The following MAST2 variants were observed in gnomAD, a reference collection of about 807,000 sequenced individuals.
MAST2 encodes microtubule associated serine/threonine kinase 2.
MAST2 carries 70 observed loss-of-function variants against 147.4 expected under a neutral mutation model. The observed-to-expected ratio is 0.47, with a 90% CI of 0.39 to 0.58. The LOEUF is 0.58. Ranked by LOEUF, MAST2 falls within the 20% of genes least tolerant of loss-of-function variation. The probability of loss-of-function intolerance (pLI) is 0.00; values close to 1 mark genes in which losing one functional copy is unlikely to be tolerated. For missense variants in MAST2, 2,080 were observed against 2,302.3 expected (o/e 0.90, Z 1.98); for synonymous variants, 869 against 896.8 (o/e 0.97, Z 0.55).
intron 3 of MAST2, among the ~76,000 whole-genome samples, chr1:45,876,613 T>C (rs1646617849): frequency 1.3e-5 from 2 of 152,212 alleles, no homozygotes; most frequent in Admixed American, 1.3e-4. Flanking sequence ...AGTTTCCTGA[T>C]TGTGTAGCTT....
chr1:46,031,201 G>A lies in MAST2; in HGVS notation c.2903G>A (p.Gly968Glu). The change falls in exon 23 of 29, where the codon GGG becomes GAG. Residue 968 changes from glycine (G) to glutamate (E), a missense_variant. By Grantham distance (98) the Gly-to-Glu change is moderately conservative. Around this residue, in one of 4 missense-constraint regions of MAST2, gnomAD observed 1,278 missense variants for 1,304.2 expected, o/e 0.98. Transcript: ENST00000361297. The surrounding 1 kb of genome is among the most constrained non-coding windows in gnomAD (Gnocchi z 4.1). ...GTCCTGACACCCCCATCTGGAGAGG[G>A]GGTATCTGGGCCTGTCACTGAACAC... ...IWVLTPPSGE[G>E]VSGPVTEHSG... is the part of the protein sequence containing the mutation. The A allele has an allele frequency of 6.4e-7, 1 of 1,566,006 alleles. No individual in the cohort carries two copies. The highest frequency in any genetic ancestry group is 8.7e-7 in the Non-Finnish European group (1 of 1,152,692).
At chr1:45,878,294 A>G (rs1646695815) in intron 3 of MAST2, among the ~76,000 whole-genome samples, 1 of 152,154 alleles carries the variant, frequency 6.6e-6, no homozygotes, top group Non-Finnish European at 1.5e-5. Context: ...TGCCACATTA[A>G]CAGAAGAGAA....
intron 28 of MAST2, 109 bp from the exon 29 acceptor site, chr1:46,034,429 C>A: frequency 7.4e-7 from 1 of 1,349,430 alleles, no homozygotes; most frequent in Non-Finnish European, 1.0e-6. Context: ...AAGGGGGTAG[C>A]TTGGTTTCTG....
chr1:45,897,577 G>A (rs373629707), intron 4 of MAST2, among the ~76,000 whole-genome samples: 1 of 152,200 alleles, frequency 6.6e-6, no homozygotes, highest in East Asian at 1.9e-4. Context: ...GGGAGGCCAA[G>A]GCAGGAGGAT....
In MAST2 at chr1:46,032,640, A is replaced by G. The variant is rs1291482561; in HGVS notation, c.3459A>G (p.Gln1153=). ...CGGCCAGTGAGGCAGGGCTTCGTCA[A>G]GGTGACCTCATCACCCATGTCAATG... ...GGPASEAGLR[Q]GDLITHVNGE... Residue 1153 remains glutamine (Q), a synonymous_variant, in exon 26 of 29, where the codon CAA becomes CAG. Transcript: ENST00000361297. The G allele has an allele frequency of 1.2e-6, 2 of 1,614,204 alleles. No homozygotes were observed. Among genetic ancestry groups the G allele is most frequent in the African/African-American group, 1.3e-5 (1 of 75,060 alleles).
chr1:45,982,508 A>G (rs947341973), intron 5 of MAST2, among the ~76,000 whole-genome samples: 2 of 152,184 alleles, frequency 1.3e-5, no homozygotes, highest in Non-Finnish European at 2.9e-5. Context: ...ACTCTGGACA[A>G]CCTTAAGCTC....
chr1:45,986,323 C>G (rs1644614062), intron 5 of MAST2, among the ~76,000 whole-genome samples: 1 of 152,078 alleles, frequency 6.6e-6, no homozygotes, highest in South Asian at 2.1e-4. Context: ...AATGTAGTGA[C>G]TTATATTGAT....
intron 3 of MAST2, among the ~76,000 whole-genome samples, chr1:45,872,638 G>T (rs1277633879): frequency 6.6e-6 from 1 of 152,020 alleles, no homozygotes. Flanking sequence ...GCGCTACCAC[G>T]CCCTGCTAAT....
rs1384909713 is a variant in MAST2, at chr1:46,034,574, C to G, written c.3905C>G (p.Ser1302Cys). Residue 1302 changes from serine (S) to cysteine (C), a missense_variant, in exon 29 of 29, where the codon TCC becomes TGC. By Grantham distance (112) the Ser-to-Cys change is moderately radical. Coordinates refer to ENST00000361297, the MANE Select transcript of MAST2 (RefSeq NM_015112.3). Reference protein sequence around the residue: ...GNSSQSSSPSSSVPSSPAGSG... With the variant: ...GNSSQSSSPSCSVPSSPAGSG... ...TCATCACAGAGCAGCTCCCCCAGCT[C>G]CAGCGTGCCCAGTTCCCCAGCCGGC... 1 of 1,613,848 alleles carries G rather than the reference C, an allele frequency of 6.2e-7. No individual in the cohort carries two copies. Among genetic ancestry groups the G allele is most frequent in the African/African-American group, 1.3e-5 (1 of 74,898 alleles).
chr1:45,930,746 G>T lies in MAST2; in HGVS notation c.501-28640G>T, dbSNP rs1655159157. On this transcript the variant is annotated intron_variant, in intron 4 of 28. Coordinates refer to ENST00000361297, the MANE Select transcript of MAST2 (RefSeq NM_015112.3). Reference sequence around the variant, plus strand: ...GAGCTTTTCACCCCCCAAACCAGGGGTCAGCAAAATAAACCCCATGAACCA... The same window carrying T: ...GAGCTTTTCACCCCCCAAACCAGGGTTCAGCAAAATAAACCCCATGAACCA... Among the ~76,000 whole-genome samples the T allele has an allele frequency of 2.0e-5, 3 of 152,070 alleles. No homozygotes were observed. The South Asian group carries it at 6.2e-4, about 32-fold the overall frequency.
intron 4 of MAST2, among the ~76,000 whole-genome samples, chr1:45,901,175 A>T (rs551653828): frequency 5.9e-5 from 9 of 152,196 alleles, no homozygotes; most frequent in Non-Finnish European, 1.2e-4. Context: ...GTTAATTTTT[A>T]TATATGGTGA....
chr1:45,831,160 T>C (rs997095635), intron 3 of MAST2, among the ~76,000 whole-genome samples: 7 of 152,198 alleles, frequency 4.6e-5, no homozygotes, highest in African/African-American at 1.7e-4. Context: ...TATACCCTTT[T>C]ATCCTCAAAC....
At chr1:45,918,484 G>T (rs1034734375) in intron 4 of MAST2, among the ~76,000 whole-genome samples, 2 of 152,178 alleles carry the variant, frequency 1.3e-5, no homozygotes, top group Non-Finnish European at 2.9e-5. Context: ...TGTCACCCAG[G>T]CTGGAGTGCA....
intron 4 of MAST2, among the ~76,000 whole-genome samples, chr1:45,938,333 T>C (rs1656605644): frequency 6.6e-6 from 1 of 152,150 alleles, no homozygotes; most frequent in Non-Finnish European, 1.5e-5. Flanking sequence ...TTACTTTTCT[T>C]TTTTCTTGGA....
intron 4 of MAST2, among the ~76,000 whole-genome samples, chr1:45,892,886 C>G (rs1220736225): frequency 6.6e-6 from 1 of 152,066 alleles, no homozygotes; most frequent in Non-Finnish European, 1.5e-5. Flanking sequence ...GAGATTATTG[C>G]AAATAAGACA....
At chr1:45,981,304 T>G (rs1045425802) in intron 5 of MAST2, among the ~76,000 whole-genome samples, 2 of 152,120 alleles carry the variant, frequency 1.3e-5, no homozygotes, top group African/African-American at 4.8e-5. Flanking sequence ...ACTCCTGACC[T>G]CAGGTGATCC....
rs1162358742 is a variant in MAST2 at position 46,034,479 on chromosome 1, C to T, written c.3869-59C>T. ...TAAGCCCTGTCTTGCCCTTGAGTCA[C>T]TTCTAACAGCTAACACTGCTCTGCT... On this transcript the variant is annotated intron_variant, in intron 28 of 28. Coordinates refer to ENST00000361297, the MANE Select transcript of MAST2 (RefSeq NM_015112.3). The T allele has an allele frequency of 6.5e-6, 10 of 1,541,750 alleles. No homozygotes were observed. The South Asian group carries it at 1.1e-4, about 17-fold the overall frequency.
chr1:45,839,604 T>G (rs1401114109), intron 3 of MAST2, among the ~76,000 whole-genome samples: 1 of 152,132 alleles, frequency 6.6e-6, no homozygotes, highest in Admixed American at 6.6e-5. Flanking sequence ...AGATGTAAAT[T>G]TTCTCCATTA....
intron 1 of MAST2, among the ~76,000 whole-genome samples, chr1:45,823,736 T>C (rs764432464): frequency 3.3e-5 from 5 of 152,212 alleles, no homozygotes; most frequent in Admixed American, 1.3e-4. Context: ...ATAATAGATA[T>C]ACCTCATCGG....
Sources: gnomAD v4.1 joint callset for allele counts (sites outside exome capture counted in the v4.1 genomes callset) on GRCh38, gnomAD v4.1.1 for gene constraint, gnomAD v4.1.1 regional missense constraint, Gnocchi (gnomAD v3.1) non-coding constraint, MANE v1.5 for transcripts, NCBI Gene and HGNC (gene_info 2026-07-23, HGNC 2026-07-21) for gene names.